The following DPP10 variants were observed in gnomAD, a reference collection of about 807,000 sequenced individuals.
DPP10 encodes the protein inactive dipeptidyl peptidase 10.
Under a neutral mutation model 120.9 loss-of-function variants are expected in DPP10, and 33 were observed. The ratio of observed to expected loss-of-function variants is 0.27; its 90% confidence interval spans 0.21 to 0.37. The LOEUF (loss-of-function observed/expected upper bound fraction) is 0.37. DPP10 is among the 10% of genes least tolerant of loss of function. The pLI, the probability that DPP10 is intolerant of heterozygous loss-of-function variation, is 1.00. For synonymous variants in DPP10, 337 were observed against 326.1 expected (o/e 1.03, Z -0.36); for missense variants, 816 against 942.8 (o/e 0.87, Z 1.76).
intron 3 of DPP10, among the ~76,000 whole-genome samples, chr2:115,364,591 C>A: frequency 6.7e-6 from 1 of 149,466 alleles, no homozygotes; most frequent in East Asian, 2.0e-4. Context: ...TCAGTCAGTT[C>A]TTCTGTATAC....
At chr2:115,113,387 C>G (rs1249645146) in intron 1 of DPP10, among the ~76,000 whole-genome samples, 1 of 150,230 alleles carries the variant, frequency 6.7e-6, no homozygotes, top group African/African-American at 2.4e-5. Context: ...GCCTTAAATT[C>G]TCATTATTTT....
intron 4 of DPP10, among the ~76,000 whole-genome samples, chr2:115,523,521 A>G (rs1294276452): frequency 6.6e-6 from 1 of 152,010 alleles, no homozygotes; most frequent in East Asian, 1.9e-4. Context: ...AGGTGTAACA[A>G]CTGCAACGTT....
chr2:115,463,194 A>G lies in DPP10; in HGVS notation c.272-36316A>G, dbSNP rs180780733. Among the ~76,000 whole-genome samples the G allele has an allele frequency of 3.0e-4, 45 of 152,228 alleles. No individual in the cohort carries two copies. In the East Asian group the frequency reaches 6.4e-3, roughly 22 times the overall value. ...CTTCCTTATACCACTACAGCATCCT[A>G]TTTCTATACATGCATTACTTTGTAA... On this transcript the variant is annotated intron_variant, in intron 3 of 25. Coordinates refer to ENST00000410059, the MANE Select transcript of DPP10 (RefSeq NM_020868.6).
intron 1 of DPP10, among the ~76,000 whole-genome samples, chr2:115,151,475 T>C (rs1055312153): frequency 6.6e-6 from 1 of 151,090 alleles, no homozygotes; most frequent in Admixed American, 6.6e-5. Flanking sequence ...TGGTGTGATC[T>C]CGGCTCACTG....
intron 5 of DPP10, among the ~76,000 whole-genome samples, chr2:115,561,720 A>T (rs2080689064): frequency 6.6e-6 from 1 of 152,178 alleles, no homozygotes; most frequent in Admixed American, 6.5e-5. Context: ...AAATAGACAA[A>T]GACGTATTAT....
At chr2:115,388,244 T>C (rs1203312937) in intron 3 of DPP10, among the ~76,000 whole-genome samples, 1 of 152,212 alleles carries the variant, frequency 6.6e-6, no homozygotes, top group African/African-American at 2.4e-5. Context: ...AAGGGTATTT[T>C]GAGATAAAGT....
At chr2:115,674,914 A>G (rs1021565163) in intron 5 of DPP10, among the ~76,000 whole-genome samples, 37 of 152,208 alleles carry the variant, frequency 2.4e-4, no homozygotes, top group Non-Finnish European at 3.2e-4. Flanking sequence ...CTCTTGAACA[A>G]CAAATCTTTA....
At chr2:114,486,213 C>A (rs922008555) in intron 1 of DPP10, among the ~76,000 whole-genome samples, 1 of 151,628 alleles carries the variant, frequency 6.6e-6, no homozygotes. Flanking sequence ...TTTATGAGTG[C>A]GTGTGATGTT....
chr2:115,372,704 G>T (rs2065497345), intron 3 of DPP10, among the ~76,000 whole-genome samples: 1 of 152,126 alleles, frequency 6.6e-6, no homozygotes, highest in African/African-American at 2.4e-5. Context: ...ACCAGCTCCT[G>T]GAGTTAATAA....
intron 5 of DPP10, among the ~76,000 whole-genome samples, chr2:115,615,569 T>G (rs1324051473): frequency 6.6e-6 from 1 of 152,078 alleles, no homozygotes; most frequent in Non-Finnish European, 1.5e-5. Context: ...TCATTTTTAT[T>G]AAGAAAAAAA....
rs1387267289 is a variant in DPP10 at position 115,384,667 on chromosome 2, A to G, written c.271+40755A>G. 2.0e-5 allele frequency among the ~76,000 whole-genome samples: 3 copies of G among 150,416 alleles called. No homozygotes were observed. In the East Asian group the frequency reaches 5.9e-4, roughly 29 times the overall value. ...GGAAGAAGAAGAAGGAAGAAGAAGAAGAAGGAAGAAGAAGAGGAAGAAGAA... is the reference window on the plus strand; with the variant it reads ...GGAAGAAGAAGAAGGAAGAAGAAGAGGAAGGAAGAAGAAGAGGAAGAAGAA... On this transcript the variant is annotated intron_variant, in intron 3 of 25. Transcript: ENST00000410059.
chr2:114,638,250 GA>G (rs1695446245), intron 1 of DPP10, among the ~76,000 whole-genome samples: 1 of 151,658 alleles, frequency 6.6e-6, no homozygotes, highest in South Asian at 2.1e-4. Context: ...TATTGTAAAT[GA>G]GATGTGTTCT....
intron 1 of DPP10, among the ~76,000 whole-genome samples, chr2:114,525,504 C>A (rs541984906): frequency 6.6e-6 from 1 of 152,164 alleles, no homozygotes; most frequent in African/African-American, 2.4e-5. Context: ...GTATTATGAT[C>A]ATGCAATTTC....
chr2:115,623,787 A>G (rs1290569647), intron 5 of DPP10, among the ~76,000 whole-genome samples: 3 of 152,192 alleles, frequency 2.0e-5, no homozygotes, highest in East Asian at 3.9e-4. Context: ...TGCATTGCAT[A>G]TCTCTAGCAA....
chr2:115,793,046 C>G (rs1261684389), intron 19 of DPP10, among the ~76,000 whole-genome samples: 1 of 152,190 alleles, frequency 6.6e-6, no homozygotes, highest in Non-Finnish European at 1.5e-5. Context: ...AACAGATAAG[C>G]TAACTGGCTC....
chr2:115,437,514 C>G (rs903307582), intron 3 of DPP10, among the ~76,000 whole-genome samples: 1 of 151,918 alleles, frequency 6.6e-6, no homozygotes, highest in Non-Finnish European at 1.5e-5. Context: ...GTGTGTTACT[C>G]AATGATCTTC....
At chr2:115,572,124 T>C (rs948038931) in intron 5 of DPP10, among the ~76,000 whole-genome samples, 1 of 152,112 alleles carries the variant, frequency 6.6e-6, no homozygotes, top group African/African-American at 2.4e-5. Context: ...CATAGAGATG[T>C]CTACATTTTA....
chr2:114,744,137 T>C lies in DPP10; in HGVS notation c.60+301299T>C, dbSNP rs186842021. Among the ~76,000 whole-genome samples the C allele has an allele frequency of 1.6e-4, 25 of 152,238 alleles. No homozygotes were observed. In the South Asian group the frequency reaches 4.8e-3, roughly 29 times the overall value. On this transcript the variant is annotated intron_variant, in intron 1 of 25. Transcript: ENST00000410059. ...GAACAGTGTAAAGTTCCTGATTCGG[T>C]TGAGTAGAGGACACAGTGATTGGAC...
chr2:114,982,428 T>C (rs1187954546), intron 1 of DPP10, among the ~76,000 whole-genome samples: 2 of 152,158 alleles, frequency 1.3e-5, no homozygotes, highest in Non-Finnish European at 2.9e-5. Flanking sequence ...AATTATGACT[T>C]TCCTGTTATA....
Sources: allele counts gnomAD v4.1 joint callset (sites outside exome capture counted in the v4.1 genomes callset), GRCh38; gene constraint gnomAD v4.1.1; transcripts MANE v1.5; gene names NCBI Gene and HGNC (gene_info 2026-07-23, HGNC 2026-07-21).